The following RBFOX1 variants were observed in gnomAD, a reference collection of about 807,000 sequenced individuals.
RBFOX1 encodes RNA binding fox-1 homolog 1.
A neutral mutation model predicts 57.7 loss-of-function variants in RBFOX1; 8 were observed. The observed-to-expected ratio is 0.14, with a 90% CI of 0.08 to 0.25. The LOEUF (loss-of-function observed/expected upper bound fraction) is 0.25. Among genes scored for constraint, RBFOX1 ranks in the 10% least tolerant of loss-of-function variants. The pLI is 1.00. For missense variants in RBFOX1, 611 were observed against 548.5 expected, an observed-to-expected ratio of 1.11 and a Z score of -1.14; for synonymous variants, 326 against 222.4, an observed-to-expected ratio of 1.47 and a Z score of -4.15.
At chr16:6,890,033 C>T (rs78863325) in intron 3 of RBFOX1, among the ~76,000 whole-genome samples, 4 of 152,234 alleles carry the variant, frequency 2.6e-5, no homozygotes, top group Admixed American at 1.3e-4. Flanking sequence ...ATAGTAGTGT[C>T]CCACTTATAC....
rs191468022 is a variant in RBFOX1 at position 6,279,272 on chromosome 16, G to T, written c.-126-37723G>T. Among the ~76,000 whole-genome samples the T allele has an allele frequency of 1.1e-4, 17 of 152,250 alleles. 1 individual carries two copies. The South Asian group carries it at 3.3e-3, about 30-fold the overall frequency. Reference sequence around the variant, plus strand: ...ATTTCTGTATCTGGCACCTAGCTAAGGAAATGGCTGTTTTATCCTCATTAG... The same window carrying T: ...ATTTCTGTATCTGGCACCTAGCTAATGAAATGGCTGTTTTATCCTCATTAG... On this transcript the variant is annotated intron_variant, in intron 1 of 15. Transcript: ENST00000550418.
At chr16:5,889,821 G>A (rs796108797) in intron 4 of RBFOX1, among the ~76,000 whole-genome samples, 4 of 152,194 alleles carry the variant, frequency 2.6e-5, no homozygotes, top group Non-Finnish European at 5.9e-5. Context: ...AAAAGCAGAC[G>A]CAACAGCCTG....
chr16:5,277,166 T>C (rs1356840063), intron 1 of RBFOX1, among the ~76,000 whole-genome samples: 1 of 152,184 alleles, frequency 6.6e-6, no homozygotes, highest in Non-Finnish European at 1.5e-5. Flanking sequence ...GCAACCTGGA[T>C]GGAGTTGGAG....
At chr16:6,887,660 C>T (rs1003653612) in intron 3 of RBFOX1, among the ~76,000 whole-genome samples, 1 of 141,020 alleles carries the variant, frequency 7.1e-6, no homozygotes, top group African/African-American at 3.0e-5. Flanking sequence ...GCTGTCTTTC[C>T]ATAGTCATTT....
intron 4 of RBFOX1, among the ~76,000 whole-genome samples, chr16:7,237,423 C>G (rs2093823089): frequency 6.6e-6 from 1 of 152,194 alleles, no homozygotes; most frequent in African/African-American, 2.4e-5. Flanking sequence ...ATAGTTTTGT[C>G]TCTGGACCAG....
chr16:6,928,640 T>A (rs1224597434), intron 3 of RBFOX1, among the ~76,000 whole-genome samples: 1 of 152,194 alleles, frequency 6.6e-6, no homozygotes, highest in Non-Finnish European at 1.5e-5. Context: ...CAGCCTTGCA[T>A]TCATGTGGGA....
At chr16:6,198,034 T>C (rs1408555633) in intron 1 of RBFOX1, among the ~76,000 whole-genome samples, 2 of 152,238 alleles carry the variant, frequency 1.3e-5, no homozygotes, top group Admixed American at 6.5e-5. Flanking sequence ...TCTTTCATAA[T>C]AATGGCATTG....
Position 6,520,733 on chromosome 16 carries a change from G to C in RBFOX1, c.-63-133870G>C, listed in dbSNP as rs141765612. Among the ~76,000 whole-genome samples the C allele has an allele frequency of 1.3e-3, 199 of 152,252 alleles. 1 individual carries two copies. Among genetic ancestry groups the C allele is most frequent in the African/African-American group, 4.4e-3 (182 of 41,552 alleles). On this transcript the variant is annotated intron_variant, in intron 2 of 15. Coordinates refer to ENST00000550418, the MANE Select transcript of RBFOX1 (RefSeq NM_018723.4). ...ATCCAGACACCCTTAGAACCTCTAA[G>C]TGGCTTCGTTTCGATCAAGTGCCAG... is the stretch of plus-strand genomic sequence containing the variant.
chr16:7,566,791 G>C (rs988049819), intron 5 of RBFOX1, among the ~76,000 whole-genome samples: 4 of 152,006 alleles, frequency 2.6e-5, no homozygotes, highest in South Asian at 2.1e-4. Context: ...GCCTTCCTCA[G>C]TGATCCTTTT....
chr16:6,045,880 C>G (rs747436351), intron 1 of RBFOX1, among the ~76,000 whole-genome samples: 5 of 152,040 alleles, frequency 3.3e-5, no homozygotes, highest in Non-Finnish European at 7.4e-5. Flanking sequence ...AAAGACCATT[C>G]CAGGAAAACA....
chr16:7,118,777 T>C (rs1567328290), intron 4 of RBFOX1, among the ~76,000 whole-genome samples: 1 of 152,076 alleles, frequency 6.6e-6, no homozygotes, highest in Non-Finnish European at 1.5e-5. Flanking sequence ...GGTAAAATTG[T>C]ACACATAAGG....
At chr16:5,906,637 C>T (rs1055778524) in intron 4 of RBFOX1, among the ~76,000 whole-genome samples, 2 of 150,578 alleles carry the variant, frequency 1.3e-5, no homozygotes, top group South Asian at 2.1e-4. Flanking sequence ...GGAGTCGGGA[C>T]ATGTGTACTC....
intron 2 of RBFOX1, among the ~76,000 whole-genome samples, chr16:6,355,439 G>A (rs555582715): frequency 2.0e-5 from 3 of 152,132 alleles, no homozygotes; most frequent in African/African-American, 4.8e-5. Context: ...CCAGCTTCAC[G>A]CATGTCCCTG....
At chr16:7,607,413 T>G (rs1441200675) in intron 10 of RBFOX1, 75 bp downstream of exon 10, 4 of 1,385,996 alleles carry the variant, frequency 2.9e-6, no homozygotes, top group Non-Finnish European at 4.0e-6. Context: ...ATGAATGAGT[T>G]TTGTAAAATA....
chr16:7,197,115 T>A (rs1234875144), intron 4 of RBFOX1, among the ~76,000 whole-genome samples: 7 of 152,154 alleles, frequency 4.6e-5, no homozygotes, highest in African/African-American at 1.7e-4. Flanking sequence ...TCCCAGTTAT[T>A]CCTTCTCTAC....
At chr16:6,107,653 A>T (rs1030535298) in intron 1 of RBFOX1, among the ~76,000 whole-genome samples, 3 of 144,414 alleles carry the variant, frequency 2.1e-5, no homozygotes, top group Admixed American at 1.4e-4. Flanking sequence ...GGACGGATGA[A>T]AGGATGACTA....
At chr16:7,006,869 C>G (rs1481836748) in intron 3 of RBFOX1, among the ~76,000 whole-genome samples, 1 of 152,250 alleles carries the variant, frequency 6.6e-6, no homozygotes, top group East Asian at 1.9e-4. Flanking sequence ...CTGCCATTTT[C>G]TGTCTGAGCC....
intron 4 of RBFOX1, among the ~76,000 whole-genome samples, chr16:7,289,263 A>G (rs906999222): frequency 2.6e-5 from 4 of 152,198 alleles, no homozygotes; most frequent in African/African-American, 9.7e-5. Flanking sequence ...CTCCTTAGAA[A>G]GATTAAAGAG....
chr16:7,097,181 G>A (rs555506048), intron 4 of RBFOX1, among the ~76,000 whole-genome samples: 2 of 152,224 alleles, frequency 1.3e-5, no homozygotes, highest in South Asian at 2.1e-4. Flanking sequence ...CCAAGAAGGT[G>A]TCTTCTCAGC....
Sources: gnomAD v4.1 joint callset for allele counts (sites outside exome capture counted in the v4.1 genomes callset) on GRCh38, gnomAD v4.1.1 for gene constraint, MANE v1.5 for transcripts, NCBI Gene and HGNC (gene_info 2026-07-23, HGNC 2026-07-21) for gene names.